The following GABRG3 variants were observed in gnomAD, a reference collection of about 807,000 sequenced individuals.
The protein encoded by GABRG3 is gamma-aminobutyric acid receptor subunit gamma-3.
Under a neutral mutation model 48.8 loss-of-function variants are expected in GABRG3, and 25 were observed. The ratio of observed to expected loss-of-function variants is 0.51; its 90% CI spans 0.37 to 0.72. The LOEUF is 0.72. GABRG3 is among the 30% of genes least tolerant of loss of function. GABRG3 has a pLI of 0.00. For synonymous variants in GABRG3, 227 were observed against 217.6 expected, an observed-to-expected ratio of 1.04 and a Z score of -0.38; for missense variants, 394 against 577.9, an observed-to-expected ratio of 0.68 and a Z score of 3.26.
At chr15:27,467,843 C>T (rs906521923) in intron 5 of GABRG3, among the ~76,000 whole-genome samples, 1 of 152,192 alleles carries the variant, frequency 6.6e-6, no homozygotes, top group Non-Finnish European at 1.5e-5. Flanking sequence ...TCTGCAGTTT[C>T]ACTTACCTTC....
intron 3 of GABRG3, among the ~76,000 whole-genome samples, chr15:27,120,137 A>C (rs896236984): frequency 1.3e-5 from 2 of 152,214 alleles, no homozygotes; most frequent in African/African-American, 4.8e-5. Flanking sequence ...ATTTCATATT[A>C]AAACTCCATG....
In GABRG3 at chr15:27,361,653, A is replaced by G. The variant is rs115274839; in HGVS notation, c.574+32765A>G. Among the ~76,000 whole-genome samples the G allele has an allele frequency of 3.1e-3, 476 of 152,318 alleles. 5 individuals carry two copies. The highest frequency in any genetic ancestry group is 0.011 in the African/African-American group (446 of 41,574). The stretch of plus-strand genomic sequence containing the variant: ...GTTTCCCAGGACCAGGCATAAGCAC[A>G]CTAACATTTAATGAGGGTGGGTGGT... On this transcript the variant is annotated intron_variant, in intron 5 of 9. Transcript: ENST00000615808.
chr15:27,013,815 T>A (rs960862797), intron 2 of GABRG3, among the ~76,000 whole-genome samples: 1 of 152,080 alleles, frequency 6.6e-6, no homozygotes, highest in African/African-American at 2.4e-5. Flanking sequence ...TTCTTTTTTT[T>A]CCCCCAGGAT....
chr15:27,374,238 T>A (rs1438212327), intron 5 of GABRG3, among the ~76,000 whole-genome samples: 1 of 145,830 alleles, frequency 6.9e-6, no homozygotes, highest in Non-Finnish European at 1.5e-5. Flanking sequence ...GCTCAGGTGA[T>A]CCCCCCACAA....
chr15:27,372,331 A>C lies in GABRG3; in HGVS notation c.574+43443A>C, dbSNP rs1412747465. On this transcript the variant is annotated intron_variant, in intron 5 of 9. Transcript: ENST00000615808. Reference sequence around the variant, plus strand: ...TAAACAACTGCACATTATTTACAAGAAGGAGCTGCTTACAGCCATAGAACA... The same window carrying C: ...TAAACAACTGCACATTATTTACAAGCAGGAGCTGCTTACAGCCATAGAACA... Among the ~76,000 whole-genome samples the C allele has an allele frequency of 4.6e-5, 7 of 152,178 alleles. No individual in the cohort carries two copies. In the East Asian group the frequency reaches 1.2e-3, roughly 25 times the overall value.
intron 3 of GABRG3, among the ~76,000 whole-genome samples, chr15:27,097,827 A>G (rs1362723821): frequency 6.6e-6 from 1 of 152,160 alleles, no homozygotes; most frequent in Admixed American, 6.5e-5. Flanking sequence ...ACTGTCAAGG[A>G]TTTGAGAAGT....
At chr15:27,087,936 G>A (rs1057088421) in intron 3 of GABRG3, among the ~76,000 whole-genome samples, 3 of 149,782 alleles carry the variant, frequency 2.0e-5, no homozygotes, top group Admixed American at 2.0e-4. Context: ...TGTGTGTGAT[G>A]TGCTGTGGTG....
At chr15:27,158,680 A>G (rs1385229018) in intron 3 of GABRG3, among the ~76,000 whole-genome samples, 1 of 152,188 alleles carries the variant, frequency 6.6e-6, no homozygotes, top group Non-Finnish European at 1.5e-5. Context: ...ATAAACTGCT[A>G]TGTAGCTAAG....
At chr15:26,996,572 C>G (rs1001587132) in intron 2 of GABRG3, among the ~76,000 whole-genome samples, 2 of 151,952 alleles carry the variant, frequency 1.3e-5, no homozygotes, top group African/African-American at 2.4e-5. Flanking sequence ...CTTGGAATTT[C>G]TGACCCTTTA....
At chr15:27,420,117 G>T (rs1016308310) in intron 5 of GABRG3, among the ~76,000 whole-genome samples, 1 of 152,282 alleles carries the variant, frequency 6.6e-6, no homozygotes, top group Non-Finnish European at 1.5e-5. Context: ...TTTCTGTAGA[G>T]GGTAGACCCT....
intron 5 of GABRG3, among the ~76,000 whole-genome samples, chr15:27,382,792 T>C (rs988958391): frequency 6.6e-6 from 1 of 152,058 alleles, no homozygotes; most frequent in Non-Finnish European, 1.5e-5. Context: ...GGAGTCATAG[T>C]ATCAAGTTGT....
intron 3 of GABRG3, among the ~76,000 whole-genome samples, chr15:27,053,366 T>C (rs1254758874): frequency 6.6e-6 from 1 of 152,146 alleles, no homozygotes; most frequent in Non-Finnish European, 1.5e-5. Flanking sequence ...GACATACAAG[T>C]GACCAACAAA....
At chr15:27,055,399 A>AGTATTTATTT (rs1438440052) in intron 3 of GABRG3, among the ~76,000 whole-genome samples, 2 of 152,196 alleles carry the variant, frequency 1.3e-5, no homozygotes, top group African/African-American at 4.8e-5. Context: ...AGGAAGTCAA[A>AGTATTTATTT]AGGAGATAAT....
intron 5 of GABRG3, among the ~76,000 whole-genome samples, chr15:27,423,782 G>A (rs1888206705): frequency 8.6e-6 from 1 of 116,736 alleles, no homozygotes; most frequent in South Asian, 2.6e-4. Context: ...TGCCCTGTCT[G>A]GTCTCAAACT....
Position 27,020,713 on chromosome 15 carries a change from G to C in GABRG3, c.203-6041G>C, listed in dbSNP as rs935437857. The stretch of plus-strand genomic sequence containing the variant: ...ATTACCGGCTTGAGCCACCGCGCCC[G>C]GCCTGTTGTTTTCTATCTCTCGCTT... On this transcript the variant is annotated intron_variant, in intron 2 of 9. Transcript: ENST00000615808. Among the ~76,000 whole-genome samples, 3 of 151,998 alleles carry C rather than the reference G, an allele frequency of 2.0e-5. No individual in the cohort carries two copies. In the East Asian group the frequency reaches 5.8e-4, roughly 29 times the overall value.
At chr15:27,317,562 G>C (rs1893273231) in intron 3 of GABRG3, among the ~76,000 whole-genome samples, 1 of 152,172 alleles carries the variant, frequency 6.6e-6, no homozygotes, top group South Asian at 2.1e-4. Context: ...TGGAAAACTG[G>C]CTGGTGTCAC....
chr15:27,129,610 A>G (rs1897880485), intron 3 of GABRG3, among the ~76,000 whole-genome samples: 1 of 152,150 alleles, frequency 6.6e-6, no homozygotes. Context: ...AGGAACTCCC[A>G]TACTGTTTTC....
intron 7 of GABRG3, among the ~76,000 whole-genome samples, chr15:27,525,156 G>A (rs886507813): frequency 6.7e-6 from 1 of 150,166 alleles, no homozygotes; most frequent in African/African-American, 2.5e-5. Context: ...CAGTTTAAAT[G>A]TGTCAAGGGC....
intron 3 of GABRG3, among the ~76,000 whole-genome samples, chr15:27,170,734 A>T (rs931840505): frequency 6.6e-6 from 1 of 152,218 alleles, no homozygotes; most frequent in Non-Finnish European, 1.5e-5. Context: ...TCCATGGACC[A>T]TGTGAATCAT....
Sources: gnomAD v4.1 joint callset for allele counts (sites outside exome capture counted in the v4.1 genomes callset) on GRCh38, gnomAD v4.1.1 for gene constraint, MANE v1.5 for transcripts, NCBI Gene and HGNC (gene_info 2026-07-23, HGNC 2026-07-21) for gene names.